Variants in VDR observed in about 807,000 individuals in gnomAD.
The protein encoded by VDR is vitamin D receptor, also known as vitamin D3 receptor.
A neutral mutation model predicts 39.7 loss-of-function variants in VDR; 19 were observed. That is an observed-to-expected ratio of 0.48 (90% CI 0.33 to 0.70). The LOEUF is 0.70. Among genes scored for constraint, VDR ranks in the 30% least tolerant of loss-of-function variants. The pLI is 0.02. For missense variants in VDR, 442 were observed against 570.5 expected (o/e 0.77, Z 2.29); for synonymous variants, 242 against 215.8 (o/e 1.12, Z -1.07).
At chr12:47,888,306 G>A (rs1461774950) in intron 1 of VDR, among the ~76,000 whole-genome samples, 4 of 152,088 alleles carry the variant, frequency 2.6e-5, no homozygotes, top group Admixed American at 1.3e-4. Context: ...GTTGAGATTC[G>A]GTGGGGACGC....
chr12:47,850,903 C>T (rs1171324259), intron 7 of VDR, among the ~76,000 whole-genome samples: 1 of 151,278 alleles, frequency 6.6e-6, no homozygotes, highest in Non-Finnish European at 1.5e-5. Context: ...CTCCAGCAGG[C>T]TTGTAGCAGG....
intron 1 of VDR, among the ~76,000 whole-genome samples, chr12:47,895,960 A>T (rs1172889425): frequency 6.6e-6 from 1 of 152,192 alleles, no homozygotes; most frequent in Non-Finnish European, 1.5e-5. Context: ...TGGCCCCCTG[A>T]CCAGCACACA....
chr12:47,894,147 A>G (rs1282006372), intron 1 of VDR, among the ~76,000 whole-genome samples: 1 of 152,178 alleles, frequency 6.6e-6, no homozygotes, highest in Non-Finnish European at 1.5e-5. Context: ...TTTAAACCAC[A>G]GGGTACTTTC....
At chr12:47,900,833 G>C (rs548125157) in intron 1 of VDR, among the ~76,000 whole-genome samples, 1 of 152,168 alleles carries the variant, frequency 6.6e-6, no homozygotes, top group African/African-American at 2.4e-5. Context: ...CACAGACTCC[G>C]CTTTCCCGCC....
intron 3 of VDR, among the ~76,000 whole-genome samples, chr12:47,877,808 C>G (rs533604495): frequency 1.3e-5 from 2 of 152,194 alleles, no homozygotes; most frequent in Non-Finnish European, 2.9e-5. Context: ...TCTGGTTCCC[C>G]GAGCTGGAGA....
At chr12:47,877,883 A>G (rs1282000164) in intron 3 of VDR, among the ~76,000 whole-genome samples, 1 of 152,214 alleles carries the variant, frequency 6.6e-6, no homozygotes, top group Non-Finnish European at 1.5e-5. Context: ...GCACCCACAG[A>G]AACCCCACTG....
intron 8 of VDR, 66 bp downstream of exon 8, chr12:47,846,591 C>T: frequency 1.2e-6 from 2 of 1,607,764 alleles, no homozygotes; most frequent in East Asian, 4.5e-5. Context: ...AGCCAAACCC[C>T]AGGACGGGTG....
At chr12:47,859,573 A>G (rs2248098) in intron 4 of VDR, among the ~76,000 whole-genome samples, 75,383 of 151,912 alleles carry the variant, frequency 0.5, 18,901 homozygotes, top group Non-Finnish European at 0.51. Context: ...ATCTTTTTCC[A>G]TGAAGCATTT....
intron 1 of VDR, among the ~76,000 whole-genome samples, chr12:47,900,129 CT>C (rs781503699): frequency 1.5e-3 from 229 of 152,352 alleles, no homozygotes; most frequent in Non-Finnish European, 2.3e-3. Flanking sequence ...CACAATTTCT[CT>C]GCACAATCCT....
chr12:47,858,604 G>T (rs1945546187), intron 4 of VDR, among the ~76,000 whole-genome samples: 1 of 152,244 alleles, frequency 6.6e-6, no homozygotes, highest in Non-Finnish European at 1.5e-5. Flanking sequence ...GGGGTGGAGG[G>T]GATGCTGGGA....
intron 3 of VDR, chr12:47,878,735 C>G (rs750551966): frequency 2.9e-5 from 20 of 688,036 alleles, no homozygotes; most frequent in Non-Finnish European, 5.1e-5. Flanking sequence ...GAGACCCACA[C>G]AGCAACCTCA....
At position 47,864,955 on chromosome 12, in the gene VDR, C is replaced by A. The variant is rs1945697347; in HGVS notation, c.277+92G>T. The A allele has an allele frequency of 1.3e-5, 20 of 1,590,034 alleles. No individual in the cohort carries two copies. The South Asian group carries it at 2.0e-4, about 16-fold the overall frequency. On this transcript the variant is annotated intron_variant, in intron 4 of 9. Coordinates refer to ENST00000549336, the MANE Select transcript of VDR (RefSeq NM_000376.3). The stretch of plus-strand genomic sequence containing the variant: ...CTGGCAGCTACAGAGGAAGGGCAGG[C>A]AGACCCTCTGCCCAAACTTGCAGGA...
At chr12:47,850,040 G>A (rs1232650127) in intron 7 of VDR, among the ~76,000 whole-genome samples, 1 of 151,994 alleles carries the variant, frequency 6.6e-6, no homozygotes, top group Non-Finnish European at 1.5e-5. Context: ...TAGTAGATAT[G>A]GGGTTTCACC....
intron 4 of VDR, among the ~76,000 whole-genome samples, chr12:47,859,866 T>TTCC (rs1945574906): frequency 4.0e-5 from 2 of 50,598 alleles, no homozygotes; most frequent in South Asian, 8.3e-4. Context: ...TCCTTCCTTC[T>TTCC]TTCCTTCCTT....
chr12:47,855,635 T>C lies in VDR; in HGVS notation c.750A>G (p.Gly250=). Residue 250 remains glycine (G), a synonymous_variant, in exon 7 of 10, where the codon GGA becomes GGG. Coordinates refer to ENST00000549336, the MANE Select transcript of VDR (RefSeq NM_000376.3). ...AGATTGCAGAAGTTTCTTACCTGAATCCTGGTATCATCTTAGCAAAGCCAA... is the reference window on the plus strand; with the variant it reads ...AGATTGCAGAAGTTTCTTACCTGAACCCTGGTATCATCTTAGCAAAGCCAA... ...KVIGFAKMIP[G]FRDLTSEDQI... 6.2e-7 allele frequency: 1 copy of C among 1,614,212 alleles called. No homozygotes were observed. The highest frequency in any genetic ancestry group is 8.5e-7 in the Non-Finnish European group (1 of 1,180,022).
intron 3 of VDR, among the ~76,000 whole-genome samples, chr12:47,874,001 G>A (rs970610504): frequency 6.6e-6 from 1 of 152,176 alleles, no homozygotes; most frequent in African/African-American, 2.4e-5. Flanking sequence ...GCAAAGTCAT[G>A]CAAATGAGCC....
chr12:47,895,391 G>A (rs181739560), intron 1 of VDR, among the ~76,000 whole-genome samples: 224 of 152,298 alleles, frequency 1.5e-3, no homozygotes, highest in Non-Finnish European at 1.3e-3. Context: ...AGAAGACAGA[G>A]TATGGGAGGG....
At chr12:47,850,971 T>A (rs1210433846) in intron 7 of VDR, among the ~76,000 whole-genome samples, 1 of 150,958 alleles carries the variant, frequency 6.6e-6, no homozygotes, top group Non-Finnish European at 1.5e-5. Flanking sequence ...AGACACCAAA[T>A]CCCTGGATGC....
chr12:47,891,771 A>C (rs1327176023), intron 1 of VDR, among the ~76,000 whole-genome samples: 1 of 150,244 alleles, frequency 6.7e-6, no homozygotes, highest in Non-Finnish European at 1.5e-5. Flanking sequence ...TCCATCCCCC[A>C]CCTCCCCCAT....
Sources: allele counts gnomAD v4.1 joint callset (sites outside exome capture counted in the v4.1 genomes callset), GRCh38; gene constraint gnomAD v4.1.1; transcripts MANE v1.5; gene names NCBI Gene and HGNC (gene_info 2026-07-23, HGNC 2026-07-21).